The following CCDC141 variants were observed in gnomAD, a reference collection of about 807,000 sequenced individuals.
The protein encoded by CCDC141 is coiled-coil domain-containing protein 141.
In CCDC141, 168 loss-of-function variants were observed where a neutral mutation model predicts 181.0. The observed-to-expected ratio is 0.93, with a 90% CI of 0.82 to 1.05. CCDC141 has a LOEUF of 1.05. Among genes scored for constraint, CCDC141 ranks in the 50% least tolerant of loss-of-function variants. The probability of loss-of-function intolerance (pLI) is 0.00; values close to 1 mark genes in which losing one functional copy is unlikely to be tolerated. For synonymous variants in CCDC141, 666 were observed against 642.3 expected (o/e 1.04, Z -0.56); for missense variants, 1,902 against 1,788.5 (o/e 1.06, Z -1.14).
the CCDC141 span, among the ~76,000 whole-genome samples, chr2:178,818,881 T>C: frequency 6.6e-6 from 1 of 152,198 alleles, no homozygotes; most frequent in East Asian, 1.9e-4. Context: ...TTGAACTAAT[T>C]TACACTCCCC....
chr2:178,913,671 A>G (rs1326461578), intron 7 of CCDC141, among the ~76,000 whole-genome samples: 2 of 152,238 alleles, frequency 1.3e-5, no homozygotes, highest in African/African-American at 4.8e-5. Context: ...TAATGTTTCA[A>G]TAGCTATGGC....
intron 14 of CCDC141, among the ~76,000 whole-genome samples, chr2:178,870,231 CA>C (rs34625707): frequency 0.13 from 8,003 of 59,636 alleles, 217 homozygotes; most frequent in East Asian, 0.43. Context: ...GACTCTGTCT[CA>C]AAAAAAAAAA....
At chr2:178,920,537 C>G (rs12468614) in intron 6 of CCDC141, among the ~76,000 whole-genome samples, 8,435 of 152,116 alleles carry the variant, frequency 0.055, 390 homozygotes, top group Admixed American at 0.15. Context: ...GCCTGGGCAA[C>G]ATGGCAAAAC....
chr2:178,896,200 T>C (rs1045344206), intron 8 of CCDC141, among the ~76,000 whole-genome samples: 27 of 152,214 alleles, frequency 1.8e-4, no homozygotes, highest in Admixed American at 1.4e-3. Context: ...CCTTCACCCA[T>C]CTCAGCCTAC....
At chr2:178,939,525 C>T (rs756392992) in intron 6 of CCDC141, among the ~76,000 whole-genome samples, 4 of 152,068 alleles carry the variant, frequency 2.6e-5, no homozygotes, top group Non-Finnish European at 5.9e-5. Flanking sequence ...ATAGTACCCT[C>T]AGTCCAGTAC....
intron 2 of CCDC141, among the ~76,000 whole-genome samples, chr2:179,015,115 AATCATATATATAT>A (rs2042422104): frequency 4.0e-5 from 1 of 24,964 alleles, no homozygotes; most frequent in Non-Finnish European, 1.3e-4. Context: ...ATATATATAT[AATCATATATATAT>A]ATCATATCAT....
intron 2 of CCDC141, among the ~76,000 whole-genome samples, chr2:178,983,157 C>A (rs1436378442): frequency 1.3e-5 from 2 of 152,164 alleles, no homozygotes; most frequent in African/African-American, 4.8e-5. Context: ...GTCCCTGACC[C>A]CTGACCCCCG....
At chr2:178,983,055 A>C (rs913715995) in intron 2 of CCDC141, among the ~76,000 whole-genome samples, 10 of 152,028 alleles carry the variant, frequency 6.6e-5, no homozygotes, top group Non-Finnish European at 1.3e-4. Flanking sequence ...CTGCAGACTT[A>C]AATGTCCCTG....
chr2:179,005,829 C>T (rs546039522), intron 2 of CCDC141, among the ~76,000 whole-genome samples: 2 of 152,170 alleles, frequency 1.3e-5, no homozygotes, highest in South Asian at 2.1e-4. Flanking sequence ...AGGCTGGTCT[C>T]GAATTCCTGA....
intron 2 of CCDC141, among the ~76,000 whole-genome samples, chr2:178,991,206 A>G (rs1692039008): frequency 6.6e-6 from 1 of 152,176 alleles, no homozygotes; most frequent in African/African-American, 2.4e-5. Flanking sequence ...TCCTTTTTAT[A>G]AAACCTCTAA....
chr2:178,953,902 G>A (rs1559004202), intron 5 of CCDC141, among the ~76,000 whole-genome samples: 1 of 152,162 alleles, frequency 6.6e-6, no homozygotes. Flanking sequence ...GGTGCCCAGA[G>A]GCTATGCTCA....
At chr2:178,993,340 TCA>T (rs2154382609) in intron 2 of CCDC141, among the ~76,000 whole-genome samples, 1 of 152,272 alleles carries the variant, frequency 6.6e-6, no homozygotes, top group South Asian at 2.1e-4. Context: ...TGGGGAAGCC[TCA>T]CAATCATAGC....
At chr2:178,834,923 A>T in intron 23 of CCDC141, among the ~76,000 whole-genome samples, 1 of 151,724 alleles carries the variant, frequency 6.6e-6, no homozygotes, top group African/African-American at 2.4e-5. Context: ...TGGCTCAGAC[A>T]ATGTTTTTGG....
intron 11 of CCDC141, among the ~76,000 whole-genome samples, chr2:178,879,714 T>C (rs1330182770): frequency 2.0e-5 from 3 of 152,090 alleles, no homozygotes; most frequent in Non-Finnish European, 4.4e-5. Flanking sequence ...CAACTCTATA[T>C]GGAGTAAATA....
rs537512824 is a variant in CCDC141, at chr2:178,978,916, G to A, written c.226-241C>T. On this transcript the variant is annotated intron_variant, in intron 2 of 23. Coordinates refer to ENST00000443758, the MANE Select transcript of CCDC141 (RefSeq NM_173648.4). ...ATTTAAACATTGTCCAAACACTGCT[G>A]ACATCTGTCAAAGACACATGTCTAC... Among the ~76,000 whole-genome samples the A allele has an allele frequency of 3.9e-5, 6 of 152,268 alleles. No homozygotes were observed. In the South Asian group the frequency reaches 1.2e-3, roughly 32 times the overall value.
chr2:178,823,693 T>C, the CCDC141 span, among the ~76,000 whole-genome samples: 1 of 152,200 alleles, frequency 6.6e-6, no homozygotes, highest in Non-Finnish European at 1.5e-5. Context: ...TTCTTTTTGG[T>C]TTGCTATCAA....
At chr2:178,942,854 A>G (rs2154377077) in intron 6 of CCDC141, among the ~76,000 whole-genome samples, 1 of 152,296 alleles carries the variant, frequency 6.6e-6, no homozygotes, top group South Asian at 2.1e-4. Context: ...TATTTTTTAC[A>G]TCCCTTATAC....
chr2:179,038,521 GTA>G (rs2043206763), intron 2 of CCDC141, among the ~76,000 whole-genome samples: 1 of 152,112 alleles, frequency 6.6e-6, no homozygotes, highest in South Asian at 2.1e-4. Flanking sequence ...TATATGTTAT[GTA>G]TGTTTTACCA....
intron 6 of CCDC141, among the ~76,000 whole-genome samples, chr2:178,929,888 T>C (rs1221778862): frequency 6.6e-6 from 1 of 152,100 alleles, no homozygotes; most frequent in Non-Finnish European, 1.5e-5. Context: ...TGAATCAGAA[T>C]CTGCCTTTAA....
Sources: allele counts gnomAD v4.1 joint callset (sites outside exome capture counted in the v4.1 genomes callset), GRCh38; gene constraint gnomAD v4.1.1; transcripts MANE v1.5; gene names NCBI Gene and HGNC (gene_info 2026-07-23, HGNC 2026-07-21).